PSMA3: variants seen among roughly 807,000 people sequenced by gnomAD.
PSMA3 encodes the protein proteasome subunit alpha type-3.
PSMA3 carries 8 observed loss-of-function variants against 40.0 expected under a neutral mutation model. The ratio of observed to expected loss-of-function variants is 0.20; its 90% confidence interval spans 0.12 to 0.36. The LOEUF is 0.36. Ranked by LOEUF, PSMA3 falls within the 10% of genes least tolerant of loss-of-function variation. The probability of loss-of-function intolerance (pLI) is 1.00; values close to 1 mark genes in which losing one functional copy is unlikely to be tolerated. For missense variants in PSMA3, 219 were observed against 310.6 expected, an observed-to-expected ratio of 0.70 and a Z score of 2.22; for synonymous variants, 110 against 100.0, an observed-to-expected ratio of 1.10 and a Z score of -0.59.
chr14:58,249,909 TGTTGA>T (rs1418749340), intron 2 of PSMA3, among the ~76,000 whole-genome samples: 4 of 152,206 alleles, frequency 2.6e-5, no homozygotes, highest in South Asian at 2.1e-4. Context: ...GTGTGGAAGA[TGTTGA>T]GTTGAGATAA....
chr14:58,264,156 C>A (rs986386580), intron 7 of PSMA3, among the ~76,000 whole-genome samples: 1 of 152,186 alleles, frequency 6.6e-6, no homozygotes, highest in Non-Finnish European at 1.5e-5. Context: ...TCTAGAAAAA[C>A]ACAACTTTTG....
intron 10 of PSMA3, among the ~76,000 whole-genome samples, chr14:58,271,649 C>A (rs1473557776): frequency 2.0e-5 from 3 of 152,100 alleles, no homozygotes; most frequent in Non-Finnish European, 4.4e-5. Context: ...AGTATATATT[C>A]TATCAAAGAT....
Position 58,249,482 on chromosome 14 carries a change from G to A in PSMA3, c.104+1650G>A, listed in dbSNP as rs930753011. On this transcript the variant is annotated intron_variant, in intron 2 of 10. Transcript: ENST00000216455. ...TGGGATTACAGGTGTGAGTCACTGC[G>A]CCTGGCTTATTATTCCTTTTTTTTA... is the stretch of plus-strand genomic sequence containing the variant. Among the ~76,000 whole-genome samples the A allele has an allele frequency of 1.2e-4, 18 of 152,166 alleles. No individual in the cohort carries two copies. In the South Asian group the frequency reaches 1.7e-3, roughly 14 times the overall value.
chr14:58,266,365 T>C (rs1395185510), intron 7 of PSMA3: 1 of 152,186 alleles, frequency 6.6e-6, no homozygotes, highest in Non-Finnish European at 1.5e-5. Context: ...CCCATTATCT[T>C]TCACTATATT....
At chr14:58,255,002 C>A (rs913968775) in intron 3 of PSMA3, among the ~76,000 whole-genome samples, 4 of 152,066 alleles carry the variant, frequency 2.6e-5, no homozygotes, top group Non-Finnish European at 5.9e-5. Flanking sequence ...GATTGTGATA[C>A]CACTTTTAAA....
intron 7 of PSMA3, 150 bp downstream of exon 7, chr14:58,263,920 T>A: frequency 1.5e-6 from 1 of 656,378 alleles, no homozygotes; most frequent in Non-Finnish European, 2.7e-6. Context: ...TGATAGCTGA[T>A]GAGCTTAAAA....
At chr14:58,252,323 TCA>T in intron 3 of PSMA3, 81 bp downstream of exon 3, 1 of 1,496,406 alleles carries the variant, frequency 6.7e-7, no homozygotes, top group Non-Finnish European at 9.0e-7. Context: ...CACTGTGCAG[TCA>T]CAAAAGTAAT....
intron 7 of PSMA3, chr14:58,266,303 AG>A (rs1890441064): frequency 2.6e-5 from 4 of 152,218 alleles, no homozygotes; most frequent in African/African-American, 9.6e-5. Context: ...AAGATAATCT[AG>A]TTTAATATAT....
Position 58,257,833 on chromosome 14 carries a change from A to G in PSMA3, c.317A>G (p.Asn106Ser). The change falls in exon 4 of 11, where the codon AAC becomes AGC. Residue 106 changes from asparagine (N) to serine (S), a missense_variant. Transcript: ENST00000216455. ...AACTTCAGATCTAACTTTGGCTACA[A>G]CATTCCACTAAAAGTAAGTTGATAA... is the stretch of plus-strand genomic sequence containing the variant. ...ASNFRSNFGY[N>S]IPLKHLADRV... 6.2e-7 allele frequency: 1 copy of G among 1,613,542 alleles called. No homozygotes were observed. The highest frequency in any genetic ancestry group is 8.5e-7 in the Non-Finnish European group (1 of 1,179,486).
intron 9 of PSMA3, 122 bp from the exon 10 acceptor site, chr14:58,270,810 CAT>C (rs1447288328): frequency 1.2e-6 from 1 of 864,762 alleles, no homozygotes; most frequent in Non-Finnish European, 1.8e-6. Flanking sequence ...GAGTATTACT[CAT>C]AGTACAACTT....
intron 3 of PSMA3, among the ~76,000 whole-genome samples, chr14:58,254,965 G>A (rs965318363): frequency 6.6e-6 from 1 of 152,024 alleles, no homozygotes; most frequent in African/African-American, 2.4e-5. Flanking sequence ...CTATTACTGG[G>A]TAGCGTAGGA....
intron 8 of PSMA3, 68 bp from the exon 9 acceptor site, chr14:58,270,350 T>G (rs562132542): frequency 6.3e-7 from 1 of 1,595,962 alleles, no homozygotes; most frequent in East Asian, 2.3e-5. Flanking sequence ...TTGTACTGAC[T>G]TTGGGTCTGT....
chr14:58,246,367 C>T (rs1241871354), intron 1 of PSMA3, among the ~76,000 whole-genome samples: 5 of 152,262 alleles, frequency 3.3e-5, no homozygotes, highest in East Asian at 1.9e-4. Context: ...TTTTACTTTA[C>T]TCCCAGAACC....
At chr14:58,262,985 CT>C (rs5808966) in intron 6 of PSMA3, among the ~76,000 whole-genome samples, 22,895 of 131,406 alleles carry the variant, frequency 0.17, 1,943 homozygotes, top group African/African-American at 0.3. Context: ...TGTGTACATC[CT>C]TTTTTTTTTT....
chr14:58,248,344 C>T (rs1189204992), intron 2 of PSMA3, among the ~76,000 whole-genome samples: 1 of 152,158 alleles, frequency 6.6e-6, no homozygotes, highest in Admixed American at 6.5e-5. Context: ...ATTCTCTTGC[C>T]TCAGCCTCCC....
At chr14:58,261,072 T>TGAAA in intron 6 of PSMA3, 52 bp downstream of exon 6, 1 of 1,243,020 alleles carries the variant, frequency 8.0e-7, no homozygotes, top group Non-Finnish European at 1.2e-6. Context: ...TGGTATTTCA[T>TGAAA]TAGCATTTAA....
intron 2 of PSMA3, among the ~76,000 whole-genome samples, chr14:58,248,736 C>T (rs1889934095): frequency 6.6e-6 from 1 of 151,536 alleles, no homozygotes. Context: ...GGGCGGATCA[C>T]CTGAGGTCAG....
intron 6 of PSMA3, 107 bp downstream of exon 6, chr14:58,261,127 G>C: frequency 1.3e-6 from 1 of 744,618 alleles, no homozygotes; most frequent in Non-Finnish European, 2.1e-6. Context: ...ACTCATTCAA[G>C]GAAAGTAATT....
At chr14:58,271,327 C>CTTTTTT (rs60528514) in intron 10 of PSMA3, among the ~76,000 whole-genome samples, 20 of 102,372 alleles carry the variant, frequency 2.0e-4, no homozygotes, top group African/African-American at 6.1e-4. Flanking sequence ...AATATTTGTT[C>CTTTTTT]TTTTTTTTTT....
Sources: allele counts gnomAD v4.1 joint callset (sites outside exome capture counted in the v4.1 genomes callset), GRCh38; gene constraint gnomAD v4.1.1; transcripts MANE v1.5; gene names NCBI Gene and HGNC (gene_info 2026-07-23, HGNC 2026-07-21).